Variants in ADAM12 observed in about 807,000 individuals in gnomAD.
ADAM12 encodes the protein disintegrin and metalloproteinase domain-containing protein 12.
In ADAM12, 70 loss-of-function variants were observed where a neutral mutation model predicts 106.4. That is an observed-to-expected ratio of 0.66 (90% CI 0.54 to 0.80). ADAM12 has a LOEUF of 0.80. Among genes scored for constraint, ADAM12 ranks in the 30% least tolerant of loss-of-function variants. ADAM12 has a pLI of 0.00. For missense variants in ADAM12, 1,010 were observed against 1,171.9 expected (o/e 0.86, Z 2.02); for synonymous variants, 420 against 433.5 (o/e 0.97, Z 0.39).
Position 126,043,192 on chromosome 10 carries a change from C to A in ADAM12, c.1996-44G>T. On this transcript the variant is annotated intron_variant, in intron 17 of 22. Transcript: ENST00000448723. This position sits in a 1 kb window ranked among gnomAD's most constrained non-coding sequence, Gnocchi z 4.1. ...GGGACGTGGGGTTAGGGCATATGCT[C>A]TGTGCATCACCACAGCAGAAGCAAG... 1 of 1,570,276 alleles carries A rather than the reference C, an allele frequency of 6.4e-7. No individual in the cohort carries two copies.
intron 3 of ADAM12, among the ~76,000 whole-genome samples, chr10:126,237,065 C>T (rs1431011057): frequency 6.6e-6 from 1 of 152,214 alleles, no homozygotes; most frequent in Non-Finnish European, 1.5e-5. Flanking sequence ...CCCACAACCC[C>T]TCCCCCCATT....
At chr10:126,128,412 C>T (rs1470475775) in intron 5 of ADAM12, among the ~76,000 whole-genome samples, 1 of 152,190 alleles carries the variant, frequency 6.6e-6, no homozygotes, top group Non-Finnish European at 1.5e-5. Context: ...GTTGGCTGCT[C>T]AGGTGACAAT....
intron 3 of ADAM12, among the ~76,000 whole-genome samples, chr10:126,223,794 G>A (rs1251633265): frequency 6.6e-6 from 1 of 152,210 alleles, no homozygotes; most frequent in Non-Finnish European, 1.5e-5. Flanking sequence ...CACTCCAGTT[G>A]CCAGAGGGAG....
intron 11 of ADAM12, among the ~76,000 whole-genome samples, chr10:126,086,680 A>AATAT (rs1210379675): frequency 4.1e-3 from 100 of 24,226 alleles, no homozygotes; most frequent in Middle Eastern, 0.083. Flanking sequence ...AAAAAAAAAA[A>AATAT]ATATATATAT....
intron 3 of ADAM12, among the ~76,000 whole-genome samples, chr10:126,167,588 C>CTA (rs1479383970): frequency 1.3e-5 from 2 of 152,200 alleles, no homozygotes; most frequent in Non-Finnish European, 2.9e-5. Flanking sequence ...TCAGTTCATA[C>CTA]TATTCCATGC....
chr10:126,165,314 C>T (rs1270628968), intron 3 of ADAM12, among the ~76,000 whole-genome samples: 2 of 152,308 alleles, frequency 1.3e-5, no homozygotes, highest in African/African-American at 4.8e-5. Context: ...ATTACAGGCA[C>T]ACACCATTAC....
intron 3 of ADAM12, among the ~76,000 whole-genome samples, chr10:126,274,592 GCA>G (rs1036890405): frequency 1.3e-5 from 2 of 152,334 alleles, no homozygotes; most frequent in African/African-American, 2.4e-5. Context: ...GCCGTGCCAA[GCA>G]CAATTATTCC....
At chr10:126,042,382 C>T in intron 18 of ADAM12, 1 of 1,066,850 alleles carries the variant, frequency 9.4e-7, no homozygotes, top group Non-Finnish European at 1.3e-6. Context: ...CTACTAAGAG[C>T]TTCTTGGGGG....
rs528692020 is a variant in ADAM12 at position 126,366,737 on chromosome 10, G to A, written c.88+21321C>T. On this transcript the variant is annotated intron_variant, in intron 1 of 22. Coordinates refer to ENST00000448723, the MANE Select transcript of ADAM12 (RefSeq NM_001288973.2). ...TTAAAAAATGAAAAAAATGCTCTGC[G>A]CATACATATGCAAACACTAAGCATA... is the stretch of plus-strand genomic sequence containing the variant. 3.9e-5 allele frequency among the ~76,000 whole-genome samples: 6 copies of A among 152,116 alleles called. No homozygotes were observed. In the East Asian group the frequency reaches 5.8e-4, roughly 15 times the overall value.
chr10:126,150,857 GA>G (rs1249722385), intron 4 of ADAM12, among the ~76,000 whole-genome samples: 3 of 152,086 alleles, frequency 2.0e-5, no homozygotes, highest in East Asian at 3.8e-4. Context: ...CTTTAGTATG[GA>G]AAGGTTTCAT....
intron 2 of ADAM12, among the ~76,000 whole-genome samples, chr10:126,286,959 T>C (rs556698783): frequency 6.6e-6 from 1 of 152,346 alleles, no homozygotes; most frequent in Admixed American, 6.5e-5. Context: ...ACTGTGTTTC[T>C]GCAGCATGAT....
rs543018899 is a variant in ADAM12, at chr10:126,319,714, A to C, written c.186+10698T>G. Among the ~76,000 whole-genome samples the C allele has an allele frequency of 2.0e-5, 3 of 152,342 alleles. No individual in the cohort carries two copies. The South Asian group carries it at 6.2e-4, about 32-fold the overall frequency. On this transcript the variant is annotated intron_variant, in intron 2 of 22. Coordinates refer to ENST00000448723, the MANE Select transcript of ADAM12 (RefSeq NM_001288973.2). The stretch of plus-strand genomic sequence containing the variant: ...AAGGTACGGACATTAGCTCCTAATA[A>C]TCCACTGATAAGGGCTTGTTAATTG...
intron 22 of ADAM12, 72 bp downstream of exon 22, chr10:126,019,623 G>C: frequency 6.4e-7 from 1 of 1,562,712 alleles, no homozygotes; most frequent in Non-Finnish European, 8.7e-7. Context: ...CCCTGTCCTG[G>C]CTTGGATTAG....
chr10:126,159,307 C>CAAAAAAAAAAAAAAA (rs3069557), intron 3 of ADAM12, among the ~76,000 whole-genome samples: 2 of 80,598 alleles, frequency 2.5e-5, no homozygotes, highest in African/African-American at 1.1e-4. Flanking sequence ...GAGACTCCAT[C>CAAAAAAAAAAAAAAA]AAAAAAAAAA....
chr10:126,242,857 G>T (rs1041676423), intron 3 of ADAM12, among the ~76,000 whole-genome samples: 1 of 152,192 alleles, frequency 6.6e-6, no homozygotes, highest in East Asian at 1.9e-4. Context: ...TCCAGTGTCT[G>T]GTTTTGACAT....
At chr10:126,162,425 G>T (rs1956952888) in intron 3 of ADAM12, among the ~76,000 whole-genome samples, 2 of 152,178 alleles carry the variant, frequency 1.3e-5, no homozygotes. Flanking sequence ...ATGCCAGGTG[G>T]TCAGGGCGCA....
At chr10:126,282,828 G>A (rs1379676754) in intron 2 of ADAM12, among the ~76,000 whole-genome samples, 1 of 152,074 alleles carries the variant, frequency 6.6e-6, no homozygotes, top group African/African-American at 2.4e-5. Flanking sequence ...TGCCACCAGT[G>A]GCCGGTTTTG....
At chr10:126,277,460 G>T (rs1258865769) in intron 3 of ADAM12, among the ~76,000 whole-genome samples, 1 of 152,010 alleles carries the variant, frequency 6.6e-6, no homozygotes, top group African/African-American at 2.4e-5. Flanking sequence ...TCGAGAAAAT[G>T]CATCACCACC....
chr10:126,203,846 G>A (rs1312093449), intron 3 of ADAM12, among the ~76,000 whole-genome samples: 1 of 152,094 alleles, frequency 6.6e-6, no homozygotes, highest in East Asian at 2.0e-4. Context: ...GTGGCTGCCT[G>A]TGATGGACTT....
Sources: gnomAD v4.1 joint callset for allele counts (sites outside exome capture counted in the v4.1 genomes callset) on GRCh38, gnomAD v4.1.1 for gene constraint, Gnocchi (gnomAD v3.1) non-coding constraint, MANE v1.5 for transcripts, NCBI Gene and HGNC (gene_info 2026-07-23, HGNC 2026-07-21) for gene names.